Variants in PALD1 observed in about 807,000 individuals in gnomAD.
PALD1 encodes paladin.
In PALD1, 57 loss-of-function variants were observed where a neutral mutation model predicts 96.0. That is an observed-to-expected ratio of 0.59 (90% CI 0.48 to 0.74). The LOEUF (loss-of-function observed/expected upper bound fraction) is 0.74, where lower values mean the gene tolerates loss of function less well. Among genes scored for constraint, PALD1 ranks in the 30% least tolerant of loss-of-function variants. The pLI is 0.00. For missense variants in PALD1, 1,063 were observed against 1,143.7 expected, an observed-to-expected ratio of 0.93 and a Z score of 1.02; for synonymous variants, 464 against 473.6, an observed-to-expected ratio of 0.98 and a Z score of 0.26.
chr10:70,522,814 C>T (rs889551106), intron 1 of PALD1, among the ~76,000 whole-genome samples: 22 of 152,130 alleles, frequency 1.4e-4, no homozygotes, highest in African/African-American at 4.8e-4. Flanking sequence ...TAATCTGAGG[C>T]GCCAGATCCC....
chr10:70,545,592 T>G (rs1471419520), intron 17 of PALD1, among the ~76,000 whole-genome samples: 1 of 151,972 alleles, frequency 6.6e-6, no homozygotes, highest in Admixed American at 6.5e-5. Flanking sequence ...TTATATCATT[T>G]TTTTTCTTTT....
At chr10:70,499,389 G>A (rs1255765485) in intron 1 of PALD1, among the ~76,000 whole-genome samples, 3 of 152,206 alleles carry the variant, frequency 2.0e-5, no homozygotes, top group Non-Finnish European at 2.9e-5. Context: ...AGCTTCTTCT[G>A]AAAGCCTCTT....
chr10:70,516,275 C>T (rs756883575), intron 1 of PALD1, among the ~76,000 whole-genome samples: 9 of 152,088 alleles, frequency 5.9e-5, no homozygotes, highest in Admixed American at 2.6e-4. Flanking sequence ...GGACTACAGG[C>T]GTGCAACCAC....
rs764650704 is a variant in PALD1 at position 70,533,078 on chromosome 10, G to A, written c.870+8G>A. On this transcript the variant is annotated splice_region_variant and intron_variant, in intron 7 of 19. Transcript: ENST00000263563. ...TTTGTCAGTGTTCTCCGGGTAACTG[G>A]GGCACGGGCGCGCATGGGGGAGGAG... 1 of 1,570,924 alleles carries A rather than the reference G, an allele frequency of 6.4e-7. No individual in the cohort carries two copies. Among genetic ancestry groups the A allele is most frequent in the Non-Finnish European group, 8.6e-7 (1 of 1,157,158 alleles).
rs559297538 is a variant in PALD1, at chr10:70,507,181, C to T, written c.-29-18742C>T. ...CTTTGGGAGGTCGAGGTAGATGGAT[C>T]ACCTGAGATCGGGAGTTCAAGACCA... On this transcript the variant is annotated intron_variant, in intron 1 of 19. Coordinates refer to ENST00000263563, the MANE Select transcript of PALD1 (RefSeq NM_014431.3). 2.0e-5 allele frequency among the ~76,000 whole-genome samples: 3 copies of T among 151,526 alleles called. No individual in the cohort carries two copies. The South Asian group carries it at 6.2e-4, about 32-fold the overall frequency.
chr10:70,489,278 C>A (rs896028365), intron 1 of PALD1, among the ~76,000 whole-genome samples: 1 of 152,160 alleles, frequency 6.6e-6, no homozygotes, highest in Non-Finnish European at 1.5e-5. Flanking sequence ...AGACTGCAGC[C>A]AGTGGGGTCC....
In PALD1 at chr10:70,539,387, A is replaced by G; in HGVS notation, c.1725+140A>G. 1 of 1,064,686 alleles carries G rather than the reference A, an allele frequency of 9.4e-7. No individual in the cohort carries two copies. The highest frequency in any genetic ancestry group is 2.6e-5 in the East Asian group (1 of 38,492). The allele number at this position is 1,064,686 out of a possible 1,614,324, so 66.0% of individuals were successfully genotyped here. A position where few individuals can be genotyped will look rare whatever the true frequency, so the allele number is the denominator to read the frequency against. The stretch of plus-strand genomic sequence containing the variant: ...GGAGGAGCAGTGTCAGGGAGTGGCC[A>G]ACTCAGGATTCCCACTAAAGTGCTC... On this transcript the variant is annotated intron_variant, in intron 14 of 19. Coordinates refer to ENST00000263563, the MANE Select transcript of PALD1 (RefSeq NM_014431.3). This position sits in a 1 kb window ranked among gnomAD's most constrained non-coding sequence, Gnocchi z 4.5.
At chr10:70,477,088 C>A (rs1343895590), upstream of PALD1, among the ~76,000 whole-genome samples, 1 of 152,138 alleles carries the variant, frequency 6.6e-6, no homozygotes, top group Non-Finnish European at 1.5e-5. Context: ...ACACATGTTG[C>A]TCCTACCTTA....
chr10:70,543,090 C>CAGG (rs1013996843), intron 17 of PALD1, among the ~76,000 whole-genome samples: 3 of 147,054 alleles, frequency 2.0e-5, no homozygotes, highest in African/African-American at 7.6e-5. Flanking sequence ...GGATAATAGC[C>CAGG]ATCCTGCTGG....
chr10:70,564,549 G>A (rs369436495), intron 19 of PALD1, 30 bp downstream of exon 19: 40 of 1,603,858 alleles, frequency 2.5e-5, no homozygotes, highest in Middle Eastern at 1.7e-4. Context: ...GAGAGGGGCC[G>A]GGGCGATGGC....
intron 1 of PALD1, among the ~76,000 whole-genome samples, chr10:70,499,944 T>C (rs1846263244): frequency 6.6e-6 from 1 of 152,234 alleles, no homozygotes; most frequent in Non-Finnish European, 1.5e-5. Flanking sequence ...TGACTCTTTG[T>C]CACGCTCCAG....
chr10:70,541,566 C>T (rs1398688644), intron 17 of PALD1, 32 bp downstream of exon 17: 2 of 1,546,424 alleles, frequency 1.3e-6, no homozygotes, highest in South Asian at 1.1e-5. Context: ...CCTGAGGCAC[C>T]TTGGGATGGG....
chr10:70,541,120 G>A lies in PALD1; in HGVS notation c.1927G>A (p.Glu643Lys). The A allele has an allele frequency of 6.2e-7, 1 of 1,607,368 alleles. No individual in the cohort carries two copies. The highest frequency in any genetic ancestry group is 8.5e-7 in the Non-Finnish European group (1 of 1,177,804). ...CGTCCAGGACTTTGACCAGCTGCTG[G>A]AGGCCCTGCGGGCCGCCCTCTCCAA... ...PREEDFDQLLEALRAALSKDP... is the reference protein window; with the variant it reads ...PREEDFDQLLKALRAALSKDP... The change falls in exon 16 of 20, where the codon GAG becomes AAG. Residue 643 changes from glutamate (E) to lysine (K), a missense_variant. Transcript: ENST00000263563.
At chr10:70,553,787 C>G (rs1847532954) in intron 18 of PALD1, among the ~76,000 whole-genome samples, 1 of 152,184 alleles carries the variant, frequency 6.6e-6, no homozygotes, top group South Asian at 2.1e-4. Context: ...CTCTCCCTGC[C>G]CACCTTGAGC....
chr10:70,523,279 G>C (rs148444893), intron 1 of PALD1, among the ~76,000 whole-genome samples: 1 of 151,162 alleles, frequency 6.6e-6, no homozygotes, highest in South Asian at 2.1e-4. Flanking sequence ...GCCGAGCCCA[G>C]CCCTGTGGGG....
At chr10:70,545,204 A>G (rs771919805) in intron 17 of PALD1, among the ~76,000 whole-genome samples, 64 of 152,050 alleles carry the variant, frequency 4.2e-4, no homozygotes, top group Non-Finnish European at 7.8e-4. Context: ...GGGAGGGGTT[A>G]TGGGTGATGC....
chr10:70,502,577 G>A (rs1846319674), intron 1 of PALD1, among the ~76,000 whole-genome samples: 1 of 152,132 alleles, frequency 6.6e-6, no homozygotes, highest in Non-Finnish European at 1.5e-5. Context: ...GAAGTGGAAT[G>A]TATCATGGAC....
chr10:70,479,304 T>C (rs1220738340), intron 1 of PALD1, among the ~76,000 whole-genome samples: 1 of 151,970 alleles, frequency 6.6e-6, no homozygotes, highest in East Asian at 1.9e-4. Context: ...GTTCCCTGGG[T>C]TTGGTGTAGG....
In PALD1 at chr10:70,567,186, C is replaced by T. The variant is rs3740442; in HGVS notation, c.*453C>T. The T allele has an allele frequency of 0.11, 18,122 of 161,296 alleles. 1,297 individuals carry two copies. Among genetic ancestry groups the T allele is most frequent in the East Asian group, 0.37 (1,990 of 5,350 alleles). 10.0% of individuals were successfully genotyped at this position (161,296 alleles called of 1,614,324 possible). Reference sequence around the variant, plus strand: ...CTTACTCCTGCTGCTCTGCCATTGCCGCTCCCCTTGTTGCTGCCCAAGCAC... The same window carrying T: ...CTTACTCCTGCTGCTCTGCCATTGCTGCTCCCCTTGTTGCTGCCCAAGCAC... On this transcript the variant is annotated 3_prime_UTR_variant, in exon 20 of 20. Transcript: ENST00000263563.
Sources: allele counts gnomAD v4.1 joint callset (sites outside exome capture counted in the v4.1 genomes callset), GRCh38; gene constraint gnomAD v4.1.1; non-coding constraint Gnocchi (gnomAD v3.1); transcripts MANE v1.5; gene names NCBI Gene and HGNC (gene_info 2026-07-23, HGNC 2026-07-21).